ASTN2: variants seen among roughly 807,000 people sequenced by gnomAD.
ASTN2 encodes the protein astrotactin 2.
Under a neutral mutation model 139.8 loss-of-function variants are expected in ASTN2, and 54 were observed. The ratio of observed to expected loss-of-function variants is 0.39; its 90% CI spans 0.31 to 0.48. The LOEUF (loss-of-function observed/expected upper bound fraction) is 0.48. Ranked by LOEUF, ASTN2 falls within the 20% of genes least tolerant of loss-of-function variation. ASTN2 has a pLI of 0.95. For synonymous variants in ASTN2, 756 were observed against 719.5 expected (o/e 1.05, Z -0.81); for missense variants, 1,565 against 1,725.1 (o/e 0.91, Z 1.64).
intron 3 of ASTN2, among the ~76,000 whole-genome samples, chr9:117,202,251 T>C (rs923687997): frequency 2.0e-4 from 31 of 152,110 alleles, no homozygotes; most frequent in African/African-American, 7.2e-4. Flanking sequence ...ATGAGATGGG[T>C]CTCCTGAATA....
At chr9:116,454,593 T>C (rs1449641701) in intron 20 of ASTN2, among the ~76,000 whole-genome samples, 2 of 152,294 alleles carry the variant, frequency 1.3e-5, no homozygotes, top group South Asian at 2.1e-4. Context: ...CATACACATA[T>C]GTTTATTGTG....
intron 13 of ASTN2, among the ~76,000 whole-genome samples, chr9:116,738,917 ACC>A (rs1372446007): frequency 3.9e-5 from 6 of 152,168 alleles, no homozygotes; most frequent in Non-Finnish European, 7.4e-5. Context: ...GTTATTCACC[ACC>A]ACAGTGGAGT....
At chr9:117,166,682 C>G (rs1830677344) in intron 3 of ASTN2, among the ~76,000 whole-genome samples, 1 of 152,114 alleles carries the variant, frequency 6.6e-6, no homozygotes, top group East Asian at 1.9e-4. Flanking sequence ...CTCTGCTACT[C>G]AGATAAATCT....
At chr9:116,906,244 A>C (rs1834156540) in intron 10 of ASTN2, among the ~76,000 whole-genome samples, 1 of 152,206 alleles carries the variant, frequency 6.6e-6, no homozygotes, top group African/African-American at 2.4e-5. Flanking sequence ...GATGGTGTGC[A>C]AGATAGTCAC....
chr9:117,399,434 T>A (rs1039198141), intron 1 of ASTN2, among the ~76,000 whole-genome samples: 2 of 152,236 alleles, frequency 1.3e-5, no homozygotes, highest in African/African-American at 4.8e-5. Flanking sequence ...TTTAGAGGAC[T>A]ATCTTCGTCT....
intron 17 of ASTN2, among the ~76,000 whole-genome samples, chr9:116,648,838 AGCCTGGCCAACAT>A (rs1857744913): frequency 6.6e-6 from 1 of 152,170 alleles, no homozygotes. Context: ...GTTCGAGACC[AGCCTGGCCAACAT>A]GTTGAAACCT....
intron 22 of ASTN2, chr9:116,437,172 A>T (rs369518514): frequency 2.7e-6 from 1 of 365,484 alleles, no homozygotes. Flanking sequence ...CATTGTGCAC[A>T]TGTACCCTAA....
chr9:116,735,655 C>T (rs898053042), intron 13 of ASTN2, among the ~76,000 whole-genome samples: 10 of 152,220 alleles, frequency 6.6e-5, no homozygotes, highest in Admixed American at 1.3e-4. Context: ...GTGGGGGCTG[C>T]TATCAGGAAT....
At chr9:116,474,138 G>C (rs1305799409) in intron 20 of ASTN2, among the ~76,000 whole-genome samples, 1 of 152,148 alleles carries the variant, frequency 6.6e-6, no homozygotes, top group Non-Finnish European at 1.5e-5. Context: ...AGAATAGTCT[G>C]ACTCAAGACC....
Position 117,226,942 on chromosome 9 carries a change from A to G in ASTN2, c.631-12200T>C, listed in dbSNP as rs528124116. Among the ~76,000 whole-genome samples, 9 of 152,310 alleles carry G rather than the reference A, an allele frequency of 5.9e-5. No homozygotes were observed. In the South Asian group the frequency reaches 1.2e-3, roughly 21 times the overall value. On this transcript the variant is annotated intron_variant, in intron 2 of 22. Coordinates refer to ENST00000313400, the MANE Select transcript of ASTN2 (RefSeq NM_001365068.1). The stretch of plus-strand genomic sequence containing the variant: ...ACCTTAAAATACTGTGCCAACAACA[A>G]AGCCTTCTGAGGTCAGAAGTAGGGA...
chr9:117,214,701 G>T lies in ASTN2; in HGVS notation c.672C>A (p.Thr224=). 6.6e-7 allele frequency: 1 copy of T among 1,522,610 alleles called. No homozygotes were observed. The allele number at this position is 1,522,610 out of a possible 1,614,324, so 94.3% of individuals were successfully genotyped here. A position where few individuals can be genotyped will look rare whatever the true frequency, so the allele number is the denominator to read the frequency against. The stretch of plus-strand genomic sequence containing the variant: ...AACGTCGCTGGGCGTACAGCGCCAC[G>T]GTGAACACCAGCAGCAGCAGCAGCA... ...IALLLLLLVF[T]VALYAQRRWQ... Residue 224 remains threonine (T), a synonymous_variant, in exon 3 of 23, where the codon ACC becomes ACA. Transcript: ENST00000313400.
At chr9:116,652,329 A>G (rs1315978057) in intron 16 of ASTN2, among the ~76,000 whole-genome samples, 1 of 152,158 alleles carries the variant, frequency 6.6e-6, no homozygotes, top group African/African-American at 2.4e-5. Flanking sequence ...CCATCTCAGA[A>G]TAAATAAATG....
At chr9:116,840,267 T>C (rs1011602635) in intron 11 of ASTN2, among the ~76,000 whole-genome samples, 7 of 150,376 alleles carry the variant, frequency 4.7e-5, no homozygotes, top group African/African-American at 1.5e-4. Flanking sequence ...AAGTCTCCCA[T>C]GTCTACCTCT....
intron 13 of ASTN2, among the ~76,000 whole-genome samples, chr9:116,783,742 C>G (rs7030327): frequency 6.6e-6 from 1 of 151,630 alleles, no homozygotes; most frequent in Non-Finnish European, 1.5e-5. Flanking sequence ...AGAAGGAAGG[C>G]GAAATATAGG....
chr9:117,045,945 G>C (rs1318605589), intron 5 of ASTN2, among the ~76,000 whole-genome samples: 1 of 150,446 alleles, frequency 6.6e-6, no homozygotes, highest in African/African-American at 2.4e-5. Flanking sequence ...GGGGAAAGAG[G>C]CTGGGCTTTT....
At chr9:117,343,779 A>T (rs1219726759) in intron 1 of ASTN2, among the ~76,000 whole-genome samples, 1 of 152,148 alleles carries the variant, frequency 6.6e-6, no homozygotes, top group African/African-American at 2.4e-5. Flanking sequence ...TTCCTACTAG[A>T]ATGTGCATGT....
chr9:116,807,314 T>C (rs1435699658), intron 12 of ASTN2, among the ~76,000 whole-genome samples: 1 of 152,190 alleles, frequency 6.6e-6, no homozygotes, highest in Non-Finnish European at 1.5e-5. Flanking sequence ...AGAGCTGAAC[T>C]GGAGGCAGAA....
intron 14 of ASTN2, among the ~76,000 whole-genome samples, chr9:116,732,862 T>G (rs1415720128): frequency 1.3e-5 from 2 of 152,186 alleles, no homozygotes; most frequent in Non-Finnish European, 2.9e-5. Flanking sequence ...GACTGGTCCC[T>G]TCTACCTCTC....
At chr9:117,023,762 T>C (rs1287138650) in intron 6 of ASTN2, among the ~76,000 whole-genome samples, 2 of 152,168 alleles carry the variant, frequency 1.3e-5, no homozygotes, top group African/African-American at 4.8e-5. Flanking sequence ...GCCTGGCACA[T>C]GATGAATTCT....
Sources: allele counts gnomAD v4.1 joint callset (sites outside exome capture counted in the v4.1 genomes callset), GRCh38; gene constraint gnomAD v4.1.1; transcripts MANE v1.5; gene names NCBI Gene and HGNC (gene_info 2026-07-23, HGNC 2026-07-21).